SLC25A13: variants seen among roughly 807,000 people sequenced by gnomAD.
SLC25A13 encodes the protein solute carrier family 25 member 13.
Under a neutral mutation model 85.5 loss-of-function variants are expected in SLC25A13, and 70 were observed. That is an observed-to-expected ratio of 0.82 (90% confidence interval 0.68 to 1.00). The LOEUF is 1.00. Ranked by LOEUF, SLC25A13 falls within the 50% of genes least tolerant of loss-of-function variation. The probability of loss-of-function intolerance (pLI) is 0.00; values close to 1 mark genes in which losing one functional copy is unlikely to be tolerated. For synonymous variants in SLC25A13, 259 were observed against 288.7 expected (o/e 0.90, Z 1.04); for missense variants, 765 against 819.8 (o/e 0.93, Z 0.82).
chr7:96,136,774 G>T (rs907991466), intron 14 of SLC25A13, among the ~76,000 whole-genome samples: 1 of 152,142 alleles, frequency 6.6e-6, no homozygotes, highest in Non-Finnish European at 1.5e-5. Context: ...GTCGGGCCGG[G>T]CACCAGGAGC....
intron 15 of SLC25A13, among the ~76,000 whole-genome samples, chr7:96,122,441 T>C (rs2116386622): frequency 6.6e-6 from 1 of 152,322 alleles, no homozygotes; most frequent in Non-Finnish European, 1.5e-5. Flanking sequence ...CTGTGGCTGC[T>C]GGCAGTCACA....
Position 96,184,238 on chromosome 7 carries a change from G to C in SLC25A13, c.1177+39C>G, listed in dbSNP as rs368830237. ...AAGATGAGAAACCAAACCTTTGAGT[G>C]TTATTTCACCTAACAGGTATTGAGC... On this transcript the variant is annotated intron_variant, in intron 11 of 17. Coordinates refer to ENST00000265631, the MANE Select transcript of SLC25A13 (RefSeq NM_014251.3). The C allele has an allele frequency of 7.4e-6, 12 of 1,612,024 alleles. No individual in the cohort carries two copies. The African/African-American group carries it at 1.6e-4, about 22-fold the overall frequency.
At chr7:96,288,510 C>T (rs1199842808) in intron 2 of SLC25A13, among the ~76,000 whole-genome samples, 1 of 152,202 alleles carries the variant, frequency 6.6e-6, no homozygotes. Flanking sequence ...CAGGGAATTC[C>T]CTTTCCTAGC....
At chr7:96,258,127 A>G (rs940067758) in intron 3 of SLC25A13, among the ~76,000 whole-genome samples, 1 of 152,232 alleles carries the variant, frequency 6.6e-6, no homozygotes, top group Non-Finnish European at 1.5e-5. Context: ...AAATGGGCAA[A>G]AACTGGAAGC....
chr7:96,168,098 G>GGAAAAAAAAAAAAAAAAAAAAAA (rs1793836839), intron 13 of SLC25A13, among the ~76,000 whole-genome samples: 1 of 19,694 alleles, frequency 5.1e-5, no homozygotes, highest in Non-Finnish European at 1.3e-4. Flanking sequence ...AACTCTGTCT[G>GGAAAAAAAAAAAAAAAAAAAAAA]AAAAAAAAAA....
intron 5 of SLC25A13, among the ~76,000 whole-genome samples, chr7:96,197,711 T>C (rs1795112846): frequency 6.6e-6 from 1 of 152,160 alleles, no homozygotes; most frequent in South Asian, 2.1e-4. Flanking sequence ...AGAGAGCTTT[T>C]AGTATGCATG....
intron 14 of SLC25A13, among the ~76,000 whole-genome samples, chr7:96,145,633 A>G (rs1193651598): frequency 6.6e-6 from 1 of 152,192 alleles, no homozygotes; most frequent in African/African-American, 2.4e-5. Flanking sequence ...TATCATACAT[A>G]AAAGTCAAAA....
intron 4 of SLC25A13, among the ~76,000 whole-genome samples, chr7:96,230,186 G>A (rs1796488944): frequency 6.6e-6 from 1 of 152,174 alleles, no homozygotes; most frequent in Non-Finnish European, 1.5e-5. Flanking sequence ...ATGCGACATG[G>A]ATTAATCTCA....
intron 3 of SLC25A13, among the ~76,000 whole-genome samples, chr7:96,263,776 G>A (rs147889415): frequency 8.6e-5 from 13 of 152,032 alleles, no homozygotes; most frequent in South Asian, 2.1e-4. Flanking sequence ...CATCTCCTCC[G>A]ATGGCCTTTC....
Position 96,184,911 on chromosome 7 carries a change from C to T in SLC25A13, c.1018+16G>A, listed in dbSNP as rs2116631247. The T allele has an allele frequency of 1.2e-6, 2 of 1,607,742 alleles. No individual in the cohort carries two copies. Among genetic ancestry groups the T allele is most frequent in the East Asian group, 2.2e-5 (1 of 44,838 alleles). On this transcript the variant is annotated intron_variant, in intron 10 of 17. Coordinates refer to ENST00000265631, the MANE Select transcript of SLC25A13 (RefSeq NM_014251.3). ...GAATAACAAAAGTGAAAATTTTTCT[C>T]TCATCCATGACTAACCTCCAGCAAC...
chr7:96,168,098 GAAA>G (rs543491037), intron 13 of SLC25A13, among the ~76,000 whole-genome samples: 44 of 19,684 alleles, frequency 2.2e-3, no homozygotes, highest in East Asian at 3.1e-3. Context: ...AACTCTGTCT[GAAA>G]AAAAAAAAAA....
chr7:96,188,319 C>T (rs1794714241), intron 9 of SLC25A13, among the ~76,000 whole-genome samples: 2 of 152,218 alleles, frequency 1.3e-5, no homozygotes, highest in Non-Finnish European at 2.9e-5. Flanking sequence ...CACACACCCA[C>T]TACTTTGACT....
At chr7:96,174,545 C>T (rs938634869) in intron 11 of SLC25A13, among the ~76,000 whole-genome samples, 1 of 152,194 alleles carries the variant, frequency 6.6e-6, no homozygotes, top group Non-Finnish European at 1.5e-5. Flanking sequence ...TCATCTTTCT[C>T]CCTGTATTCA....
At chr7:96,148,902 A>T (rs1792910866) in intron 13 of SLC25A13, among the ~76,000 whole-genome samples, 1 of 152,324 alleles carries the variant, frequency 6.6e-6, no homozygotes, top group Middle Eastern at 3.4e-3. Context: ...AGAGATGGAG[A>T]ATGTACAGGA....
At chr7:96,261,822 A>G (rs184811191) in intron 3 of SLC25A13, among the ~76,000 whole-genome samples, 14 of 152,306 alleles carry the variant, frequency 9.2e-5, no homozygotes, top group African/African-American at 3.1e-4. Context: ...AGGCACTGAC[A>G]TTGAGGGCTT....
chr7:96,301,598 A>T (rs1262132284), intron 1 of SLC25A13, among the ~76,000 whole-genome samples: 1 of 151,858 alleles, frequency 6.6e-6, no homozygotes, highest in Non-Finnish European at 1.5e-5. Context: ...TCTGATTCCA[A>T]ATTTAAGGGA....
chr7:96,262,779 C>G (rs1398305202), intron 3 of SLC25A13, among the ~76,000 whole-genome samples: 1 of 152,168 alleles, frequency 6.6e-6, no homozygotes, highest in African/African-American at 2.4e-5. Context: ...GCAGATTGAG[C>G]ACAAGCCAGA....
chr7:96,300,614 A>G (rs1799515557), intron 1 of SLC25A13, among the ~76,000 whole-genome samples: 1 of 152,174 alleles, frequency 6.6e-6, no homozygotes, highest in South Asian at 2.1e-4. Context: ...TGGGTCTTCA[A>G]ACACACTCAC....
intron 3 of SLC25A13, among the ~76,000 whole-genome samples, chr7:96,265,950 C>A (rs1350582729): frequency 6.6e-6 from 1 of 152,142 alleles, no homozygotes; most frequent in Non-Finnish European, 1.5e-5. Context: ...GCCTCCTTCA[C>A]AAAGGTACTA....
Sources: gnomAD v4.1 joint callset for allele counts (sites outside exome capture counted in the v4.1 genomes callset) on GRCh38, gnomAD v4.1.1 for gene constraint, MANE v1.5 for transcripts, NCBI Gene and HGNC (gene_info 2026-07-23, HGNC 2026-07-21) for gene names.